ADAM22: variants seen among roughly 807,000 people sequenced by gnomAD.
The protein encoded by ADAM22 is disintegrin and metalloproteinase domain-containing protein 22.
Under a neutral mutation model 144.6 loss-of-function variants are expected in ADAM22, and 65 were observed. The ratio of observed to expected loss-of-function variants is 0.45; its 90% CI spans 0.37 to 0.55. The LOEUF is 0.55. ADAM22 is among the 20% of genes least tolerant of loss of function. ADAM22 has a pLI of 0.00. For missense variants in ADAM22, 974 were observed against 1,184.9 expected (o/e 0.82, Z 2.61); for synonymous variants, 391 against 412.6 (o/e 0.95, Z 0.63).
At chr7:87,996,735 C>A (rs546185242) in intron 3 of ADAM22, among the ~76,000 whole-genome samples, 2 of 152,332 alleles carry the variant, frequency 1.3e-5, no homozygotes, top group African/African-American at 4.8e-5. Context: ...TGGTATCTAT[C>A]AACATGAGAG....
At chr7:88,184,689 G>A (rs1047876642) in intron 29 of ADAM22, among the ~76,000 whole-genome samples, 2 of 151,976 alleles carry the variant, frequency 1.3e-5, no homozygotes, top group African/African-American at 4.8e-5. Context: ...CATCACTCCA[G>A]CCACCATGAC....
chr7:88,121,392 A>C (rs983859287), intron 7 of ADAM22, among the ~76,000 whole-genome samples: 1 of 152,120 alleles, frequency 6.6e-6, no homozygotes, highest in Non-Finnish European at 1.5e-5. Flanking sequence ...TAGATATTGT[A>C]TTATCTATTG....
Position 87,934,285 on chromosome 7 carries a change from C to A in ADAM22, c.-181C>A. On this transcript the variant is annotated 5_prime_UTR_variant, in exon 1 of 32. Coordinates refer to ENST00000413139, the MANE Select transcript of ADAM22 (RefSeq NM_001324418.2). Reference sequence around the variant, plus strand: ...CTCCCCCCGCCAGCGGAAGCGTCCGCGAAGCACAATGCAGCACTGAGCCGC... The same window carrying A: ...CTCCCCCCGCCAGCGGAAGCGTCCGAGAAGCACAATGCAGCACTGAGCCGC... The A allele has an allele frequency of 1.9e-6, 1 of 532,634 alleles. No homozygotes were observed. Among genetic ancestry groups the A allele is most frequent in the Middle Eastern group, 4.9e-4 (1 of 2,040 alleles). 33.0% of individuals were successfully genotyped at this position (532,634 alleles called of 1,614,324 possible). A position where few individuals can be genotyped will look rare whatever the true frequency, so the allele number is the denominator to read the frequency against.
chr7:87,936,846 T>C (rs1395099863), intron 2 of ADAM22, among the ~76,000 whole-genome samples: 2 of 148,328 alleles, frequency 1.3e-5, no homozygotes, highest in African/African-American at 4.9e-5. Context: ...TATATGTGTG[T>C]GTATATATAT....
chr7:88,057,252 G>A (rs548414148), intron 3 of ADAM22, among the ~76,000 whole-genome samples: 1 of 152,012 alleles, frequency 6.6e-6, no homozygotes, highest in South Asian at 2.1e-4. Flanking sequence ...GAGCCACCAT[G>A]CCTGGCCACA....
At position 88,038,643 on chromosome 7, in the gene ADAM22, C is replaced by T. The variant is rs1037082982; in HGVS notation, c.324-36983C>T. On this transcript the variant is annotated intron_variant, in intron 3 of 31. Transcript: ENST00000413139. ...CTAATTTTTGTATTTTTAGTAGAGA[C>T]GGGGTTTCACCGTGTTAGCCAGGAT... is the stretch of plus-strand genomic sequence containing the variant. Among the ~76,000 whole-genome samples the T allele has an allele frequency of 5.7e-4, 87 of 151,524 alleles. 1 individual carries two copies. The highest frequency in any genetic ancestry group is 1.0e-3 in the Non-Finnish European group (69 of 67,848).
At chr7:88,016,599 T>C (rs1796591501) in intron 3 of ADAM22, among the ~76,000 whole-genome samples, 1 of 152,220 alleles carries the variant, frequency 6.6e-6, no homozygotes, top group Non-Finnish European at 1.5e-5. Context: ...TTTGTGCTAA[T>C]TGTAAAACCA....
intron 14 of ADAM22, among the ~76,000 whole-genome samples, chr7:88,140,799 G>T (rs1156414662): frequency 6.6e-6 from 1 of 151,990 alleles, no homozygotes; most frequent in Non-Finnish European, 1.5e-5. Context: ...TCACACCACT[G>T]CACTCCAGCC....
intron 3 of ADAM22, among the ~76,000 whole-genome samples, chr7:88,043,312 C>T (rs1471241602): frequency 2.6e-5 from 4 of 151,842 alleles, no homozygotes; most frequent in African/African-American, 7.2e-5. Flanking sequence ...GATGAAACCC[C>T]GTCTCTACTA....
chr7:88,161,135 C>T (rs1841505586), intron 22 of ADAM22, among the ~76,000 whole-genome samples: 1 of 149,944 alleles, frequency 6.7e-6, no homozygotes, highest in Non-Finnish European at 1.5e-5. Context: ...AAAAACCAAC[C>T]CCCCCACCCA....
intron 2 of ADAM22, among the ~76,000 whole-genome samples, chr7:87,976,373 A>G (rs998141906): frequency 2.0e-5 from 3 of 152,264 alleles, no homozygotes; most frequent in East Asian, 3.9e-4. Flanking sequence ...TGGTGTCCTT[A>G]TAAGAAGAGA....
intron 29 of ADAM22, among the ~76,000 whole-genome samples, chr7:88,183,795 A>T (rs1847665324): frequency 6.6e-6 from 1 of 150,890 alleles, no homozygotes; most frequent in Non-Finnish European, 1.5e-5. Flanking sequence ...ACCTTCTTGT[A>T]TAGGAACTGT....
intron 6 of ADAM22, among the ~76,000 whole-genome samples, chr7:88,115,715 C>G (rs1194210272): frequency 1.3e-5 from 2 of 152,210 alleles, no homozygotes; most frequent in Non-Finnish European, 2.9e-5. Context: ...CAGTCCACAA[C>G]AAATCAAATC....
intron 13 of ADAM22, 87 bp from the exon 14 acceptor site, chr7:88,135,893 A>C (rs969640297): frequency 8.6e-7 from 1 of 1,160,606 alleles, no homozygotes; most frequent in South Asian, 1.9e-5. Context: ...TAAGGAATAA[A>C]GTGGAGATAA....
intron 3 of ADAM22, among the ~76,000 whole-genome samples, chr7:87,982,911 G>A (rs947559190): frequency 3.3e-5 from 5 of 150,800 alleles, no homozygotes; most frequent in African/African-American, 7.3e-5. Context: ...GGCTGGTCTC[G>A]AACTCCTGAC....
intron 3 of ADAM22, among the ~76,000 whole-genome samples, chr7:88,006,915 G>A (rs1420100354): frequency 2.0e-5 from 3 of 150,362 alleles, no homozygotes; most frequent in Admixed American, 6.7e-5. Flanking sequence ...AATTAGGCAG[G>A]AGAAGGAAAT....
intron 18 of ADAM22, among the ~76,000 whole-genome samples, chr7:88,150,228 A>T (rs1482330918): frequency 1.3e-5 from 2 of 152,110 alleles, no homozygotes; most frequent in African/African-American, 4.8e-5. Flanking sequence ...TTACAAGTTC[A>T]ATTTGCATTT....
intron 26 of ADAM22, among the ~76,000 whole-genome samples, chr7:88,176,688 G>A (rs1193120960): frequency 6.6e-6 from 1 of 152,140 alleles, no homozygotes; most frequent in African/African-American, 2.4e-5. Context: ...CGATTTGTGG[G>A]ATAGAATACT....
In ADAM22 at chr7:87,934,854, C is replaced by G. The variant is rs748835811; in HGVS notation, c.86-172C>G. 1.3e-5 allele frequency: 12 copies of G among 931,602 alleles called. No individual in the cohort carries two copies. The Admixed American group carries it at 1.3e-4, about 10-fold the overall frequency. The allele number at this position is 931,602 out of a possible 1,614,324, so 57.7% of individuals were successfully genotyped here. Reference sequence around the variant, plus strand: ...CTGGTTGCTCTCGGATGAGCTGGTCCAAGGCTCTCGGGCTGGTGTCTCTGC... The same window carrying G: ...CTGGTTGCTCTCGGATGAGCTGGTCGAAGGCTCTCGGGCTGGTGTCTCTGC... On this transcript the variant is annotated intron_variant, in intron 1 of 31. Transcript: ENST00000413139.
Sources: gnomAD v4.1 joint callset for allele counts (sites outside exome capture counted in the v4.1 genomes callset) on GRCh38, gnomAD v4.1.1 for gene constraint, MANE v1.5 for transcripts, NCBI Gene and HGNC (gene_info 2026-07-23, HGNC 2026-07-21) for gene names.